PWWP3A: variants seen among roughly 807,000 people sequenced by gnomAD.
PWWP3A encodes PWWP domain-containing DNA repair factor 3A.
In PWWP3A, 53 loss-of-function variants were observed where a neutral mutation model predicts 79.0. The ratio of observed to expected loss-of-function variants is 0.67; its 90% CI spans 0.54 to 0.84. PWWP3A has a LOEUF of 0.84. PWWP3A is among the 40% of genes least tolerant of loss of function. The pLI, the probability that PWWP3A is intolerant of heterozygous loss-of-function variation, is 0.00. For synonymous variants in PWWP3A, 443 were observed against 394.4 expected (o/e 1.12, Z -1.46); for missense variants, 973 against 948.0 (o/e 1.03, Z -0.35).
Position 1,376,889 on chromosome 19 carries a change from T to A in PWWP3A, c.*313T>A. 3.9e-6 allele frequency: 1 copy of A among 255,564 alleles called. No homozygotes were observed. The highest frequency in any genetic ancestry group is 7.4e-6 in the Non-Finnish European group (1 of 135,506). The allele number at this position is 255,564 out of a possible 1,614,324, so 15.8% of individuals were successfully genotyped here. A position where few individuals can be genotyped will look rare whatever the true frequency, so the allele number is the denominator to read the frequency against. ...CAGTACTCCTGGCTGTGCTGTGGTT[T>A]CTCCCGACGTGCACATCGATCTCGT... On this transcript the variant is annotated 3_prime_UTR_variant, in exon 14 of 14. Coordinates refer to ENST00000591337, the MANE Select transcript of PWWP3A (RefSeq NM_001369789.1).
chr19:1,366,481 C>A, intron 8 of PWWP3A, 100 bp downstream of exon 8: 1 of 1,113,268 alleles, frequency 9.0e-7, no homozygotes, highest in Non-Finnish European at 1.4e-6. Flanking sequence ...AGAGGGGAGG[C>A]CCCGGCAGGA....
intron 6 of PWWP3A, among the ~76,000 whole-genome samples, chr19:1,362,794 G>A (rs1396583800): frequency 2.0e-5 from 3 of 152,230 alleles, no homozygotes; most frequent in Admixed American, 1.3e-4. Context: ...AACTGCTCCC[G>A]CGCCCCTCCT....
intron 1 of PWWP3A, among the ~76,000 whole-genome samples, chr19:1,355,918 C>T (rs1191848545): frequency 6.6e-6 from 1 of 151,342 alleles, no homozygotes; most frequent in Non-Finnish European, 1.5e-5. Flanking sequence ...AGTCGTTTTT[C>T]CGCTCTTATT....
chr19:1,360,388 T>C lies in PWWP3A; in HGVS notation c.467T>C (p.Val156Ala). ...AGACCTCACAGGAGGAGGCCATGTG[T>C]GCAACAAAGCCTGTCAAGTTCGTTC... ...SSRPHRRRPC[V>A]QQSLSSSFTC... The change falls in exon 5 of 14, where the codon GTG becomes GCG. Residue 156 changes from valine (V) to alanine (A), a missense_variant. Coordinates refer to ENST00000591337, the MANE Select transcript of PWWP3A (RefSeq NM_001369789.1). The surrounding 1 kb of genome is among the most constrained non-coding windows in gnomAD (Gnocchi z 4.4). 1 of 1,614,058 alleles carries C rather than the reference T, an allele frequency of 6.2e-7. No homozygotes were observed. Among genetic ancestry groups the C allele is most frequent in the Non-Finnish European group, 8.5e-7 (1 of 1,180,030 alleles).
chr19:1,362,354 A>G lies in PWWP3A; in HGVS notation c.1213+3A>G. On this transcript the variant is annotated splice_donor_region_variant and intron_variant, in intron 6 of 13. Coordinates refer to ENST00000591337, the MANE Select transcript of PWWP3A (RefSeq NM_001369789.1). ...ACCAAGAGTCCTTTTATACCACGGT[A>G]AGAAATGATCAGGGGGCGCCGGCAG... 6.2e-7 allele frequency: 1 copy of G among 1,612,856 alleles called. No homozygotes were observed. Among genetic ancestry groups the G allele is most frequent in the South Asian group, 1.1e-5 (1 of 91,030 alleles).
In PWWP3A at chr19:1,378,174, G is replaced by C. The variant is rs2082439023; in HGVS notation, c.*1598G>C. 6.6e-6 allele frequency: 1 copy of C among 152,302 alleles called. No individual in the cohort carries two copies. The highest frequency in any genetic ancestry group is 6.5e-5 in the Admixed American group (1 of 15,290). The allele number at this position is 152,302 out of a possible 1,614,324, so 9.4% of individuals were successfully genotyped here. A position where few individuals can be genotyped will look rare whatever the true frequency, so the allele number is the denominator to read the frequency against. The stretch of plus-strand genomic sequence containing the variant: ...GCCCCCTGCTGGTCGCTGTTTCGGG[G>C]ACTCGGGGCGGCCAGTACCACCGCC... On this transcript the variant is annotated 3_prime_UTR_variant, in exon 14 of 14. Coordinates refer to ENST00000591337, the MANE Select transcript of PWWP3A (RefSeq NM_001369789.1).
At chr19:1,358,310 C>A (rs1190649932) in intron 3 of PWWP3A, 84 bp from the exon 4 acceptor site, 10 of 1,274,120 alleles carry the variant, frequency 7.8e-6, no homozygotes, top group Admixed American at 2.0e-5. Context: ...GAAAATAATT[C>A]TTTTGTTATC....
chr19:1,357,904 C>G (rs563358206), intron 3 of PWWP3A: 5 of 163,248 alleles, frequency 3.1e-5, no homozygotes, highest in African/African-American at 9.6e-5. Flanking sequence ...CCACTCCCTC[C>G]TGCCTGCATC....
rs1476645395 is a variant in PWWP3A at position 1,368,870 on chromosome 19, TCAGAC to T, written c.1423-391_1423-387del. Among the ~76,000 whole-genome samples, 1 of 143,544 alleles carries T rather than the reference TCAGAC, an allele frequency of 7.0e-6. No homozygotes were observed. The highest frequency in any genetic ancestry group is 1.5e-5 in the Non-Finnish European group (1 of 66,288). 94.2% of individuals were successfully genotyped at this position (143,544 alleles called of 152,430 possible). Reference sequence around the variant, plus strand: ...TCGGGTCCCCGGTGCCCACCTGCGTTCAGACCAGCCCAAGCCATCGGGTCCCCGGT... The same window carrying T: ...TCGGGTCCCCGGTGCCCACCTGCGTTCAGCCCAAGCCATCGGGTCCCCGGT... On this transcript the variant is annotated intron_variant, in intron 9 of 13. Coordinates refer to ENST00000591337, the MANE Select transcript of PWWP3A (RefSeq NM_001369789.1). This position sits in a 1 kb window ranked among gnomAD's most constrained non-coding sequence, Gnocchi z 4.7.
rs2082180464 is a variant in PWWP3A, at chr19:1,368,704, C to T, written c.1423-561C>T. On this transcript the variant is annotated intron_variant, in intron 9 of 13. Coordinates refer to ENST00000591337, the MANE Select transcript of PWWP3A (RefSeq NM_001369789.1). The surrounding 1 kb of genome is among the most constrained non-coding windows in gnomAD (Gnocchi z 4.7). ...CTGTTAGAGCAGCCCAGGTGCTGGC[C>T]TAGCCTGGCTGCAGACGATAGCTCC... Among the ~76,000 whole-genome samples the T allele has an allele frequency of 6.6e-6, 1 of 152,224 alleles. No individual in the cohort carries two copies. The highest frequency in any genetic ancestry group is 2.1e-4 in the South Asian group (1 of 4,836).
chr19:1,355,928 T>A (rs561304694), intron 1 of PWWP3A, among the ~76,000 whole-genome samples: 9 of 152,160 alleles, frequency 5.9e-5, no homozygotes, highest in Admixed American at 5.2e-4. Flanking sequence ...CCGCTCTTAT[T>A]TTTGTGTGTG....
In PWWP3A at chr19:1,369,657, A is replaced by T. The variant is rs1254335492; in HGVS notation, c.1549+11A>T. ...ACGCGGCTGATATAAGTAAGTCTAC[A>T]GGCACATCTTGGAAAATGTGGTTTG... On this transcript the variant is annotated intron_variant, in intron 11 of 13. Coordinates refer to ENST00000591337, the MANE Select transcript of PWWP3A (RefSeq NM_001369789.1). This position sits in a 1 kb window ranked among gnomAD's most constrained non-coding sequence, Gnocchi z 4.0. The T allele has an allele frequency of 6.2e-7, 1 of 1,614,150 alleles. No individual in the cohort carries two copies. Among genetic ancestry groups the T allele is most frequent in the Admixed American group, 1.7e-5 (1 of 60,030 alleles).
chr19:1,371,166 C>G, intron 12 of PWWP3A, 88 bp downstream of exon 12: 1 of 1,444,314 alleles, frequency 6.9e-7, no homozygotes, highest in Non-Finnish European at 9.4e-7. Flanking sequence ...CCACGGTCCT[C>G]GCCCCTGCTC....
rs2081995507 is a variant in PWWP3A, at chr19:1,360,796, C to T, written c.875C>T (p.Ser292Leu). 4.4e-6 allele frequency: 7 copies of T among 1,600,332 alleles called. No homozygotes were observed. Among genetic ancestry groups the T allele is most frequent in the Non-Finnish European group, 6.0e-6 (7 of 1,173,998 alleles). ...CCAGCCCCTGAGCCCTCGGCCTGCT[C>T]AGAGCCTGGAGAATGCCCTGCGAAA... ...APPAPEPSAC[S>L]EPGECPAKKR... Residue 292 changes from serine to leucine, a missense_variant, in exon 5 of 14, where the codon TCA becomes TTA. Coordinates refer to ENST00000591337, the MANE Select transcript of PWWP3A (RefSeq NM_001369789.1). This position sits in a 1 kb window ranked among gnomAD's most constrained non-coding sequence, Gnocchi z 4.4.
rs751651439 is a variant in PWWP3A, at chr19:1,367,153, C to T, written c.1362-7C>T. 24 of 1,609,962 alleles carry T rather than the reference C, an allele frequency of 1.5e-5. No homozygotes were observed. The highest frequency in any genetic ancestry group is 2.7e-5 in the African/African-American group (2 of 74,726). ...TCATGTTAACTTTTCCCTCTCTCTG[C>T]TTCAAGTTTCACAGTGTCTCTTAAA... is the stretch of plus-strand genomic sequence containing the variant. On this transcript the variant is annotated splice_polypyrimidine_tract_variant and splice_region_variant and intron_variant, in intron 8 of 13. Transcript: ENST00000591337.
At chr19:1,356,142 A>T in intron 1 of PWWP3A, 182 bp from the exon 2 acceptor site, 1 of 551,252 alleles carries the variant, frequency 1.8e-6, no homozygotes, top group East Asian at 3.1e-5. Context: ...CTCCCTGGAT[A>T]CCGAGCCCCG....
Position 1,360,564 on chromosome 19 carries a change from A to G in PWWP3A, c.643A>G (p.Ser215Gly). ...CCACCACAAAAATTGGACTCTTGCAAGTAAGAGGGGAGGAAACTCAGCGCA... is the reference window on the plus strand; with the variant it reads ...CCACCACAAAAATTGGACTCTTGCAGGTAAGAGGGGAGGAAACTCAGCGCA... Reference protein sequence around the residue: ...RIHHKNWTLASKRGGNSAQKA... With the variant: ...RIHHKNWTLAGKRGGNSAQKA... The change falls in exon 5 of 14, where the codon AGT becomes GGT. Residue 215 changes from serine (S) to glycine (G), a missense_variant. Physicochemically the swap from Ser to Gly is moderately conservative, Grantham distance 56. Coordinates refer to ENST00000591337, the MANE Select transcript of PWWP3A (RefSeq NM_001369789.1). This position sits in a 1 kb window ranked among gnomAD's most constrained non-coding sequence, Gnocchi z 4.4. The G allele has an allele frequency of 6.2e-6, 10 of 1,614,210 alleles. No individual in the cohort carries two copies. Among genetic ancestry groups the G allele is most frequent in the Non-Finnish European group, 8.5e-6 (10 of 1,180,032 alleles).
Position 1,360,383 on chromosome 19 carries a change from A to G in PWWP3A, c.462A>G (p.Pro154=). The part of the protein sequence containing the change: ...LGSSRPHRRR[P]CVQQSLSSSF... ...GTTCCAGACCTCACAGGAGGAGGCC[A>G]TGTGTGCAACAAAGCCTGTCAAGTT... Residue 154 remains proline (P), a synonymous_variant, in exon 5 of 14, where the codon CCA becomes CCG. Coordinates refer to ENST00000591337, the MANE Select transcript of PWWP3A (RefSeq NM_001369789.1). The surrounding 1 kb of genome is among the most constrained non-coding windows in gnomAD (Gnocchi z 4.4). 6.8e-6 allele frequency: 11 copies of G among 1,614,122 alleles called. No individual in the cohort carries two copies. Among genetic ancestry groups the G allele is most frequent in the Non-Finnish European group, 9.3e-6 (11 of 1,180,044 alleles).
chr19:1,371,844 G>C (rs2082267951), intron 12 of PWWP3A, among the ~76,000 whole-genome samples: 1 of 125,960 alleles, frequency 7.9e-6, no homozygotes, highest in African/African-American at 3.1e-5. Flanking sequence ...GTCTCGCTCT[G>C]TCACCCAGGT....
Sources: allele counts gnomAD v4.1 joint callset (sites outside exome capture counted in the v4.1 genomes callset), GRCh38; gene constraint gnomAD v4.1.1; non-coding constraint Gnocchi (gnomAD v3.1); transcripts MANE v1.5; gene names NCBI Gene and HGNC (gene_info 2026-07-23, HGNC 2026-07-21).